TIPRL: variants seen among roughly 807,000 people sequenced by gnomAD.
TIPRL encodes the protein TIP41-like protein.
TIPRL carries 10 observed loss-of-function variants against 32.3 expected under a neutral mutation model. That is an observed-to-expected ratio of 0.31 (90% CI 0.19 to 0.52). The LOEUF is 0.52. Ranked by LOEUF, TIPRL falls within the 20% of genes least tolerant of loss-of-function variation. The pLI, the probability that TIPRL is intolerant of heterozygous loss-of-function variation, is 0.96. For missense variants in TIPRL, 250 were observed against 328.1 expected (o/e 0.76, Z 1.84); for synonymous variants, 100 against 114.0 (o/e 0.88, Z 0.78).
intron 3 of TIPRL, among the ~76,000 whole-genome samples, chr1:168,185,763 C>G (rs1700019391): frequency 8.2e-6 from 1 of 122,654 alleles, no homozygotes; most frequent in Non-Finnish European, 1.7e-5. Flanking sequence ...GAGTGAGACT[C>G]TGTCTCAAAA....
chr1:168,181,690 C>T (rs914137304), intron 1 of TIPRL, among the ~76,000 whole-genome samples: 11 of 151,850 alleles, frequency 7.2e-5, no homozygotes, highest in African/African-American at 2.7e-4. Flanking sequence ...ATTCTCTAAG[C>T]GATGGCTGTA....
At chr1:168,184,197 T>C in intron 2 of TIPRL, 116 bp downstream of exon 2, 1 of 980,808 alleles carries the variant, frequency 1.0e-6, no homozygotes, top group African/African-American at 1.6e-5. Flanking sequence ...GAAGGGCTGG[T>C]ATTATTAAAC....
At chr1:168,198,578 A>C (rs939405143) in intron 5 of TIPRL, among the ~76,000 whole-genome samples, 6 of 152,212 alleles carry the variant, frequency 3.9e-5, no homozygotes, top group Non-Finnish European at 8.8e-5. Flanking sequence ...ACTTGAAGTA[A>C]TTTTAAAATC....
chr1:168,179,631 GAGAC>G (rs71572494), intron 1 of TIPRL, among the ~76,000 whole-genome samples: 66,988 of 151,742 alleles, frequency 0.44, 17,811 homozygotes, highest in African/African-American at 0.74. Flanking sequence ...TCTCGTGAGA[GAGAC>G]AGACAATTAT....
At chr1:168,180,223 A>T (rs113278858) in intron 1 of TIPRL, among the ~76,000 whole-genome samples, 10 of 151,994 alleles carry the variant, frequency 6.6e-5, no homozygotes, top group African/African-American at 1.5e-4. Flanking sequence ...TGGCCAGCTG[A>T]TGGGAGGAGA....
At chr1:168,197,556 G>A (rs1304344867) in intron 5 of TIPRL, among the ~76,000 whole-genome samples, 1 of 152,098 alleles carries the variant, frequency 6.6e-6, no homozygotes, top group East Asian at 1.9e-4. Flanking sequence ...GTCTTGCTCT[G>A]TTGCCCAGGC....
At position 168,192,088 on chromosome 1, in the gene TIPRL, A is replaced by C. The variant is rs1239034693; in HGVS notation, c.516+588A>C. On this transcript the variant is annotated intron_variant, in intron 4 of 6. Coordinates refer to ENST00000367833, the MANE Select transcript of TIPRL (RefSeq NM_152902.5). ...TAATGAAGACTGTGGCTTAATTTTC[A>C]CATTTTGGATTAAAAATGATGTTGA... is the stretch of plus-strand genomic sequence containing the variant. The C allele has an allele frequency of 3.4e-6, 4 of 1,166,750 alleles. No homozygotes were observed. In the East Asian group the frequency reaches 1.5e-4, roughly 44 times the overall value. 72.3% of individuals were successfully genotyped at this position (1,166,750 alleles called of 1,614,324 possible). A position where few individuals can be genotyped will look rare whatever the true frequency, so the allele number is the denominator to read the frequency against.
intron 1 of TIPRL, among the ~76,000 whole-genome samples, chr1:168,183,509 G>A (rs905485914): frequency 6.6e-5 from 10 of 151,156 alleles, no homozygotes; most frequent in South Asian, 6.2e-4. Flanking sequence ...TCATCACCAC[G>A]TTTTGAAACT....
chr1:168,186,094 A>AG (rs1558162999), intron 3 of TIPRL, among the ~76,000 whole-genome samples: 1 of 150,628 alleles, frequency 6.6e-6, no homozygotes, highest in Non-Finnish European at 1.5e-5. Flanking sequence ...AAAAAAAAAA[A>AG]AAAAAAAAAG....
At chr1:168,195,112 T>A (rs1572436267) in intron 4 of TIPRL, among the ~76,000 whole-genome samples, 1 of 152,214 alleles carries the variant, frequency 6.6e-6, no homozygotes, top group East Asian at 1.9e-4. Context: ...GAATTTGGCC[T>A]GTGGCTGGTG....
At position 168,200,169 on chromosome 1, in the gene TIPRL, GAA is replaced by G; in HGVS notation, c.*131_*132del. On this transcript the variant is annotated 3_prime_UTR_variant, in exon 7 of 7. Coordinates refer to ENST00000367833, the MANE Select transcript of TIPRL (RefSeq NM_152902.5). ...GTACAGATTTTCTGTAGCCTTAAAG[GAA>G]AAAAAAATAAAGATCGTTACAGGCA... The G allele has an allele frequency of 9.4e-7, 1 of 1,061,590 alleles. No homozygotes were observed. The highest frequency in any genetic ancestry group is 1.3e-6 in the Non-Finnish European group (1 of 776,762). 65.8% of individuals were successfully genotyped at this position (1,061,590 alleles called of 1,614,324 possible). A position where few individuals can be genotyped will look rare whatever the true frequency, so the allele number is the denominator to read the frequency against.
At chr1:168,182,348 G>A (rs974769640) in intron 1 of TIPRL, among the ~76,000 whole-genome samples, 6 of 152,222 alleles carry the variant, frequency 3.9e-5, no homozygotes, top group Admixed American at 6.5e-5. Context: ...TTTTCAGGCC[G>A]GGCGCGGTGA....
chr1:168,191,828 C>T (rs1390260386), intron 4 of TIPRL, among the ~76,000 whole-genome samples: 5 of 141,528 alleles, frequency 3.5e-5, no homozygotes, highest in African/African-American at 1.1e-4. Flanking sequence ...GCCAGGATCA[C>T]GCCACTGCAC....
At chr1:168,199,326 T>C (rs989837179) in intron 6 of TIPRL, among the ~76,000 whole-genome samples, 1 of 152,152 alleles carries the variant, frequency 6.6e-6, no homozygotes, top group African/African-American at 2.4e-5. Flanking sequence ...TCTTTCTACA[T>C]AGTCTCCTTT....
rs1368102546 is a variant in TIPRL at position 168,196,498 on chromosome 1, A to G, written c.517-49A>G. 6 of 1,330,038 alleles carry G rather than the reference A, an allele frequency of 4.5e-6. No homozygotes were observed. The African/African-American group carries it at 4.6e-5, about 10-fold the overall frequency. The allele number at this position is 1,330,038 out of a possible 1,614,324, so 82.4% of individuals were successfully genotyped here. ...TTTTTTCTTTCAGCAAAGTAATAAA[A>G]TGTTTAATTTTTATTAAAATATTAA... On this transcript the variant is annotated intron_variant, in intron 4 of 6. Transcript: ENST00000367833.
intron 4 of TIPRL, 43 bp downstream of exon 4, chr1:168,191,543 C>A (rs2023424): frequency 7.2e-7 from 1 of 1,386,658 alleles, no homozygotes; most frequent in African/African-American, 1.5e-5. Context: ...TTCTTGCATT[C>A]TTAACATCAG....
chr1:168,189,172 A>G (rs1209362542), intron 3 of TIPRL, among the ~76,000 whole-genome samples: 4 of 152,170 alleles, frequency 2.6e-5, no homozygotes, highest in Non-Finnish European at 5.9e-5. Context: ...AAGCCAGCCA[A>G]GTACAGACTT....
intron 5 of TIPRL, among the ~76,000 whole-genome samples, chr1:168,198,621 A>G (rs916604535): frequency 3.9e-5 from 6 of 152,216 alleles, no homozygotes; most frequent in African/African-American, 1.4e-4. Flanking sequence ...AATTCATTAT[A>G]TACATTATTC....
rs1700200560 is a variant in TIPRL, at chr1:168,200,770, C to A, written c.*724C>A. The A allele has an allele frequency of 6.6e-6, 1 of 151,990 alleles. No homozygotes were observed. 9.4% of individuals were successfully genotyped at this position (151,990 alleles called of 1,614,324 possible). The stretch of plus-strand genomic sequence containing the variant: ...TAGGTGCTTTTTCTTAAATGTGGTT[C>A]TACTTATACTGATATTTTTAATTTC... On this transcript the variant is annotated 3_prime_UTR_variant, in exon 7 of 7. Coordinates refer to ENST00000367833, the MANE Select transcript of TIPRL (RefSeq NM_152902.5).
Sources: gnomAD v4.1 joint callset for allele counts (sites outside exome capture counted in the v4.1 genomes callset) on GRCh38, gnomAD v4.1.1 for gene constraint, MANE v1.5 for transcripts, NCBI Gene and HGNC (gene_info 2026-07-23, HGNC 2026-07-21) for gene names.